The following GLT1D1 variants were observed in gnomAD, a reference collection of about 807,000 sequenced individuals.
GLT1D1 encodes the protein glycosyltransferase 1 domain containing 1.
GLT1D1 carries 21 observed loss-of-function variants against 28.7 expected under a neutral mutation model. The ratio of observed to expected loss-of-function variants is 0.73; its 90% confidence interval spans 0.52 to 1.05. The LOEUF (loss-of-function observed/expected upper bound fraction) is 1.05. Among genes scored for constraint, GLT1D1 ranks in the 50% least tolerant of loss-of-function variants. GLT1D1 has a pLI of 0.00. For synonymous variants in GLT1D1, 147 were observed against 124.8 expected, an observed-to-expected ratio of 1.18 and a Z score of -1.19; for missense variants, 343 against 330.6, an observed-to-expected ratio of 1.04 and a Z score of -0.29.
intron 1 of GLT1D1, among the ~76,000 whole-genome samples, chr12:128,856,811 A>T (rs1434849412): frequency 6.6e-6 from 1 of 152,274 alleles, no homozygotes; most frequent in Admixed American, 6.5e-5. Context: ...TGCTAAAAAT[A>T]AAAAAATTAG....
intron 4 of GLT1D1, among the ~76,000 whole-genome samples, chr12:128,911,390 G>A (rs1457111210): frequency 3.3e-5 from 5 of 152,192 alleles, no homozygotes; most frequent in South Asian, 2.1e-4. Context: ...AACGTCCAAC[G>A]TGGATCAGCA....
intron 7 of GLT1D1, among the ~76,000 whole-genome samples, chr12:128,975,407 G>A (rs1325169492): frequency 6.6e-6 from 1 of 152,128 alleles, no homozygotes; most frequent in Non-Finnish European, 1.5e-5. Context: ...CAGTTGGCTT[G>A]CTCAGTTTCC....
chr12:128,936,890 C>G (rs1460495354), intron 4 of GLT1D1, among the ~76,000 whole-genome samples: 1 of 152,130 alleles, frequency 6.6e-6, no homozygotes, highest in African/African-American at 2.4e-5. Context: ...TTCTTTTTCT[C>G]TTTATCTTGC....
chr12:128,872,126 G>C (rs1956705156), intron 1 of GLT1D1, among the ~76,000 whole-genome samples: 1 of 151,946 alleles, frequency 6.6e-6, no homozygotes, highest in African/African-American at 2.4e-5. Flanking sequence ...TAATTTTTTT[G>C]TATTTTTAGT....
intron 2 of GLT1D1, among the ~76,000 whole-genome samples, chr12:128,882,752 A>G (rs566362895): frequency 2.0e-5 from 3 of 152,300 alleles, no homozygotes; most frequent in Admixed American, 1.3e-4. Context: ...AGAACTTTAC[A>G]GGTATCCTTA....
intron 4 of GLT1D1, among the ~76,000 whole-genome samples, chr12:128,907,977 G>C (rs1214171310): frequency 2.6e-5 from 4 of 152,168 alleles, no homozygotes; most frequent in Admixed American, 1.3e-4. Flanking sequence ...ATCTTCTCTG[G>C]AAATTTCCTG....
chr12:128,970,508 C>A (rs1319491567), intron 7 of GLT1D1, among the ~76,000 whole-genome samples: 1 of 152,232 alleles, frequency 6.6e-6, no homozygotes, highest in African/African-American at 2.4e-5. Flanking sequence ...TCAAAGTCCG[C>A]TTCTATCCAC....
chr12:128,922,922 C>G (rs1275503077), intron 4 of GLT1D1, among the ~76,000 whole-genome samples: 3 of 97,600 alleles, frequency 3.1e-5, no homozygotes, highest in Non-Finnish European at 6.1e-5. Context: ...GACTCCATCT[C>G]AAAAAAAAAA....
intron 4 of GLT1D1, among the ~76,000 whole-genome samples, chr12:128,925,431 C>G (rs758003568): frequency 6.6e-6 from 1 of 152,208 alleles, no homozygotes; most frequent in African/African-American, 2.4e-5. Context: ...TGAGAACATT[C>G]GGTTTTTAGT....
At chr12:128,912,112 A>G (rs1170515804) in intron 4 of GLT1D1, among the ~76,000 whole-genome samples, 1 of 152,178 alleles carries the variant, frequency 6.6e-6, no homozygotes, top group Non-Finnish European at 1.5e-5. Context: ...CTCTGGCTGA[A>G]CTTCAGTAAT....
At chr12:128,893,160 G>A (rs1225061920) in intron 3 of GLT1D1, among the ~76,000 whole-genome samples, 2 of 152,148 alleles carry the variant, frequency 1.3e-5, no homozygotes, top group African/African-American at 2.4e-5. Context: ...CAAGAGAATC[G>A]CTTGAACCTG....
rs1449828396 is a variant in GLT1D1 at position 128,926,326 on chromosome 12, C to CTGGGGAG, written c.376-19000_376-18999insTGGGGAG. Reference sequence around the variant, plus strand: ...GCTACTGCAGCATCCAGAGCCCTCCCCACTGAAAACATTCTGAACTCTTCT... The same window carrying CTGGGGAG: ...GCTACTGCAGCATCCAGAGCCCTCCCTGGGGAGCACTGAAAACATTCTGAACTCTTCT... On this transcript the variant is annotated intron_variant, in intron 4 of 7. Coordinates refer to ENST00000281703, the MANE Select transcript of GLT1D1 (RefSeq NM_144669.3). The CTGGGGAG allele has an allele frequency of 3.9e-5, 45 of 1,142,720 alleles. No homozygotes were observed. The African/African-American group carries it at 6.6e-4, about 17-fold the overall frequency. 70.8% of individuals were successfully genotyped at this position (1,142,720 alleles called of 1,614,324 possible).
intron 7 of GLT1D1, among the ~76,000 whole-genome samples, chr12:128,969,409 C>A (rs1878811596): frequency 6.6e-6 from 1 of 152,144 alleles, no homozygotes; most frequent in Non-Finnish European, 1.5e-5. Flanking sequence ...TTTCTGAGCC[C>A]CACCCTGGGT....
chr12:128,923,422 TG>T (rs1273551099), intron 4 of GLT1D1, among the ~76,000 whole-genome samples: 1 of 152,140 alleles, frequency 6.6e-6, no homozygotes, highest in African/African-American at 2.4e-5. Context: ...TGTTCTGTGG[TG>T]GGGGGTTTGG....
intron 1 of GLT1D1, among the ~76,000 whole-genome samples, chr12:128,868,473 G>A (rs1325765651): frequency 1.3e-5 from 2 of 152,200 alleles, no homozygotes; most frequent in Admixed American, 6.5e-5. Flanking sequence ...AGCGTCACTC[G>A]TCCGTATGGA....
At chr12:128,922,847 C>T (rs1872779155) in intron 4 of GLT1D1, among the ~76,000 whole-genome samples, 1 of 149,340 alleles carries the variant, frequency 6.7e-6, no homozygotes, top group Non-Finnish European at 1.5e-5. Context: ...CGCTTGAACC[C>T]AAGAGGCAGA....
intron 4 of GLT1D1, among the ~76,000 whole-genome samples, chr12:128,912,023 A>G (rs547853955): frequency 1.3e-5 from 2 of 152,104 alleles, no homozygotes; most frequent in Non-Finnish European, 2.9e-5. Context: ...AGGGATGCAT[A>G]AGCCATAACA....
intron 3 of GLT1D1, among the ~76,000 whole-genome samples, chr12:128,894,149 T>C (rs1412821987): frequency 2.6e-5 from 4 of 152,138 alleles, no homozygotes; most frequent in Non-Finnish European, 5.9e-5. Flanking sequence ...GCGTCAGCAC[T>C]GTATGGTGCT....
At chr12:128,912,579 C>T (rs1871652876) in intron 4 of GLT1D1, 119 bp downstream of exon 5, 1 of 384,632 alleles carries the variant, frequency 2.6e-6, no homozygotes, top group East Asian at 4.2e-5. Flanking sequence ...AAGTTTGCAT[C>T]CTTAAGAGAC....
Sources: allele counts gnomAD v4.1 joint callset (sites outside exome capture counted in the v4.1 genomes callset), GRCh38; gene constraint gnomAD v4.1.1; transcripts MANE v1.5; gene names NCBI Gene and HGNC (gene_info 2026-07-23, HGNC 2026-07-21).